KCNIP1: variants seen among roughly 807,000 people sequenced by gnomAD.
KCNIP1 encodes the protein potassium voltage-gated channel interacting protein 1, also known as A-type potassium channel modulatory protein KCNIP1.
KCNIP1 carries 18 observed loss-of-function variants against 33.0 expected under a neutral mutation model. The ratio of observed to expected loss-of-function variants is 0.55; its 90% CI spans 0.38 to 0.81. KCNIP1 has a LOEUF of 0.81. Among genes scored for constraint, KCNIP1 ranks in the 30% least tolerant of loss-of-function variants. KCNIP1 has a pLI of 0.00. For synonymous variants in KCNIP1, 93 were observed against 98.3 expected (o/e 0.95, Z 0.32); for missense variants, 238 against 271.6 (o/e 0.88, Z 0.87).
intron 1 of KCNIP1, among the ~76,000 whole-genome samples, chr5:170,698,445 G>A (rs1762974043): frequency 2.0e-5 from 3 of 152,150 alleles, no homozygotes; most frequent in Admixed American, 1.3e-4. Flanking sequence ...CTGTGGCCCT[G>A]GGCAGATGAC....
intron 1 of KCNIP1, among the ~76,000 whole-genome samples, chr5:170,530,860 C>T (rs1441076156): frequency 6.6e-6 from 1 of 152,076 alleles, no homozygotes; most frequent in African/African-American, 2.4e-5. Flanking sequence ...GTGTCTCCTT[C>T]CTAGTGTGGA....
intron 1 of KCNIP1, among the ~76,000 whole-genome samples, chr5:170,701,685 C>T (rs1763105241): frequency 6.6e-6 from 1 of 152,210 alleles, no homozygotes; most frequent in Non-Finnish European, 1.5e-5. Context: ...AGCCCCAGGG[C>T]TCCCCCATGA....
At chr5:170,656,356 A>G (rs1481447091) in intron 1 of KCNIP1, among the ~76,000 whole-genome samples, 1 of 152,218 alleles carries the variant, frequency 6.6e-6, no homozygotes, top group African/African-American at 2.4e-5. Context: ...AAGGCTGTTT[A>G]TAGAATTGCG....
chr5:170,588,524 G>T (rs1244440167), intron 1 of KCNIP1, among the ~76,000 whole-genome samples: 1 of 152,180 alleles, frequency 6.6e-6, no homozygotes, highest in African/African-American at 2.4e-5. Flanking sequence ...TGCCTGTGGG[G>T]ATGCCACGTG....
Position 170,493,501 on chromosome 5 carries a change from G to A in KCNIP1, c.88+139537G>A, listed in dbSNP as rs565058143. On this transcript the variant is annotated intron_variant, in intron 1 of 7. Coordinates refer to the KCNIP1 transcript ENST00000377360. ...TCAATCATGAATTACAGGCATTATC[G>A]AGTTAAGTCACCATGGTGGCTGGAC... 5.9e-5 allele frequency among the ~76,000 whole-genome samples: 9 copies of A among 152,226 alleles called. 1 individual carries two copies. Among genetic ancestry groups the A allele is most frequent in the South Asian group, 4.2e-4 (2 of 4,818 alleles).
intron 1 of KCNIP1, among the ~76,000 whole-genome samples, chr5:170,660,921 GAT>G (rs1561748277): frequency 6.6e-6 from 1 of 152,246 alleles, no homozygotes; most frequent in African/African-American, 2.4e-5. Flanking sequence ...CGAGGTTTGG[GAT>G]ATATCTTAGA....
intron 1 of KCNIP1, among the ~76,000 whole-genome samples, chr5:170,645,341 C>T (rs1311076364): frequency 6.6e-6 from 1 of 152,134 alleles, no homozygotes; most frequent in Non-Finnish European, 1.5e-5. Flanking sequence ...TGATTTCAGA[C>T]AGAGCAGACT....
At chr5:170,633,730 G>T (rs1334248696) in intron 1 of KCNIP1, among the ~76,000 whole-genome samples, 1 of 49,106 alleles carries the variant, frequency 2.0e-5, no homozygotes, top group African/African-American at 9.9e-5. Context: ...GCGGAGGGGG[G>T]GACGGAGGGG....
chr5:170,451,773 G>A (rs2113075445), intron 1 of KCNIP1, among the ~76,000 whole-genome samples: 1 of 150,264 alleles, frequency 6.7e-6, no homozygotes, highest in Non-Finnish European at 1.5e-5. Context: ...GTGTGTGTTT[G>A]CAGGGGGAAG....
chr5:170,633,697 GGA>G (rs2113678131), intron 1 of KCNIP1, among the ~76,000 whole-genome samples: 1 of 68,878 alleles, frequency 1.5e-5, no homozygotes, highest in East Asian at 7.4e-4. Flanking sequence ...GCGGGGCGGA[GGA>G]GGGGGCGAGG....
At chr5:170,440,097 A>G (rs1022013770) in intron 1 of KCNIP1, among the ~76,000 whole-genome samples, 1 of 152,180 alleles carries the variant, frequency 6.6e-6, no homozygotes, top group Non-Finnish European at 1.5e-5. Flanking sequence ...TCATGCGAAG[A>G]GAATAAGACA....
intron 1 of KCNIP1, among the ~76,000 whole-genome samples, chr5:170,445,081 A>T (rs1027366576): frequency 6.6e-6 from 1 of 152,222 alleles, no homozygotes; most frequent in African/African-American, 2.4e-5. Flanking sequence ...TGTGCCAGTG[A>T]GGTTGGAAAC....
At chr5:170,407,674 T>C (rs1479317541) in intron 1 of KCNIP1, among the ~76,000 whole-genome samples, 1 of 152,372 alleles carries the variant, frequency 6.6e-6, no homozygotes, top group East Asian at 1.9e-4. Flanking sequence ...GTTTCTGTCA[T>C]CATTTTACAT....
chr5:170,353,727 G>A, exon 1 of KCNIP1: 1 of 665,320 alleles, frequency 1.5e-6, no homozygotes, highest in Non-Finnish European at 2.6e-6. Flanking sequence ...CGCTGCAGAG[G>A]CAGCTGTGCT....
chr5:170,515,078 A>G (rs984457680), intron 1 of KCNIP1, among the ~76,000 whole-genome samples: 1 of 152,186 alleles, frequency 6.6e-6, no homozygotes, highest in Non-Finnish European at 1.5e-5. Context: ...GACTTGCCCA[A>G]GTGCCCCGAT....
At chr5:170,638,103 A>C (rs1352086674) in intron 1 of KCNIP1, among the ~76,000 whole-genome samples, 1 of 152,046 alleles carries the variant, frequency 6.6e-6, no homozygotes. Context: ...AGATGCCAGC[A>C]AGAGGGCCTG....
intron 1 of KCNIP1, among the ~76,000 whole-genome samples, chr5:170,512,208 T>C (rs1052217454): frequency 6.6e-6 from 1 of 152,240 alleles, no homozygotes; most frequent in Admixed American, 6.5e-5. Flanking sequence ...TCAGTGAAGA[T>C]AGAGTGTTTA....
intron 1 of KCNIP1, among the ~76,000 whole-genome samples, chr5:170,355,055 C>G (rs577117430): frequency 8.5e-5 from 13 of 152,174 alleles, no homozygotes; most frequent in Non-Finnish European, 1.9e-4. Flanking sequence ...CGCCACCCAG[C>G]GGGTCTGGCC....
At chr5:170,619,963 C>A (rs1267004314) in intron 1 of KCNIP1, among the ~76,000 whole-genome samples, 1 of 152,162 alleles carries the variant, frequency 6.6e-6, no homozygotes, top group Non-Finnish European at 1.5e-5. Flanking sequence ...GCAACAGAGC[C>A]AGAAACCCTT....
Sources: gnomAD v4.1 joint callset for allele counts (sites outside exome capture counted in the v4.1 genomes callset) on GRCh38, gnomAD v4.1.1 for gene constraint, MANE v1.5 for transcripts, NCBI Gene and HGNC (gene_info 2026-07-23, HGNC 2026-07-21) for gene names.